The following MYH7B variants were observed in gnomAD, a reference collection of about 807,000 sequenced individuals.
MYH7B encodes myosin heavy chain 7B, also known as myosin-7B.
Under a neutral mutation model 234.5 loss-of-function variants are expected in MYH7B, and 205 were observed. The observed-to-expected ratio is 0.87, with a 90% CI of 0.78 to 0.98. The LOEUF (loss-of-function observed/expected upper bound fraction) is 0.98, where lower values mean the gene tolerates loss of function less well. Among genes scored for constraint, MYH7B ranks in the 50% least tolerant of loss-of-function variants. The pLI is 0.00. For missense variants in MYH7B, 2,652 were observed against 2,633.4 expected (o/e 1.01, Z -0.15); for synonymous variants, 1,193 against 1,105.0 (o/e 1.08, Z -1.58).
In MYH7B at chr20:34,982,887, G is replaced by A. The variant is rs145624634; in HGVS notation, c.624+332G>A. On this transcript the variant is annotated intron_variant, in intron 10 of 44. Coordinates refer to ENST00000262873, the Ensembl canonical transcript of MYH7B. ...ACTAGATGGGCTGCTTTTACTAAGCGTTGTTGTCTTGGTTTCCCTGACAGT... is the reference window on the plus strand; with the variant it reads ...ACTAGATGGGCTGCTTTTACTAAGCATTGTTGTCTTGGTTTCCCTGACAGT... 1.2e-4 allele frequency among the ~76,000 whole-genome samples: 19 copies of A among 152,262 alleles called. No individual in the cohort carries two copies. In the East Asian group the frequency reaches 3.5e-3, roughly 28 times the overall value.
At chr20:34,999,764 C>CCTGCCTG in intron 37 of MYH7B, 27 bp from the exon 38 acceptor site, 1 of 1,182,476 alleles carries the variant, frequency 8.5e-7, no homozygotes, top group South Asian at 1.2e-5. Flanking sequence ...CCCCCCCCAC[C>CCTGCCTG]CTACCCTGCC....
At chr20:34,980,548 A>G in intron 7 of MYH7B, 30 bp from the exon 8 acceptor site, 3 of 1,586,264 alleles carry the variant, frequency 1.9e-6, no homozygotes, top group Non-Finnish European at 2.6e-6. Flanking sequence ...AAAAACAACA[A>G]CATAAACCCT....
At chr20:34,986,415 C>G (rs2082024085) in intron 14 of MYH7B, among the ~76,000 whole-genome samples, 1 of 152,230 alleles carries the variant, frequency 6.6e-6, no homozygotes, top group Non-Finnish European at 1.5e-5. Context: ...CCTCCAGGAG[C>G]CTAAGCCCTA....
At chr20:34,994,203 G>C in exon 27 of MYH7B, 1 of 1,613,434 alleles carries the variant, frequency 6.2e-7, no homozygotes, top group Non-Finnish European at 8.5e-7. Flanking sequence ...TCAAGAACTG[G>C]TCATGGATGA....
exon 28 of MYH7B, chr20:34,995,547 C>T: frequency 6.2e-7 from 1 of 1,614,088 alleles, no homozygotes; most frequent in African/African-American, 1.3e-5. Context: ...CTGGCCAAAG[C>T]TGAGAAGGAG....
At chr20:35,001,837 G>A in intron 43 of MYH7B, 111 bp from the exon 44 acceptor site, 1 of 1,486,060 alleles carries the variant, frequency 6.7e-7, no homozygotes, top group Non-Finnish European at 9.0e-7. Context: ...AGTGGCAATA[G>A]GAACAAAGTT....
At chr20:34,968,585 A>G (rs2081764268) in intron 2 of MYH7B, among the ~76,000 whole-genome samples, 1 of 152,114 alleles carries the variant, frequency 6.6e-6, no homozygotes, top group Non-Finnish European at 1.5e-5. Context: ...ACACTCGGCT[A>G]AGCCTTGTCC....
chr20:34,979,461 G>A (rs752767629), exon 6 of MYH7B: 12 of 1,613,620 alleles, frequency 7.4e-6, no homozygotes, highest in African/African-American at 6.7e-5. Flanking sequence ...GGAGGCTACC[G>A]GGGGCAGAGT....
intron 2 of MYH7B, among the ~76,000 whole-genome samples, chr20:34,970,361 G>C (rs535550595): frequency 6.6e-6 from 1 of 152,158 alleles, no homozygotes; most frequent in Non-Finnish European, 1.5e-5. Context: ...CCCTTGTATA[G>C]GTCTGCTGTT....
intron 35 of MYH7B, 69 bp from the exon 36 acceptor site, chr20:34,998,987 G>A: frequency 1.3e-6 from 2 of 1,582,388 alleles, no homozygotes; most frequent in Non-Finnish European, 1.7e-6. Flanking sequence ...CTGAGGGTGG[G>A]TGAAGGGAGC....
chr20:34,994,502 G>A, intron 27 of MYH7B, 101 bp downstream of exon 27: 1 of 1,365,586 alleles, frequency 7.3e-7, no homozygotes, highest in African/African-American at 1.5e-5. Flanking sequence ...CAGGCCTTAT[G>A]TCTCTCTGTT....
At chr20:34,973,893 G>A (rs2081817575) in intron 2 of MYH7B, among the ~76,000 whole-genome samples, 1 of 151,376 alleles carries the variant, frequency 6.6e-6, no homozygotes, top group Admixed American at 6.6e-5. Context: ...CAAGTAGGTG[G>A]GATTACAGGC....
At chr20:34,990,183 G>A in intron 21 of MYH7B, 37 bp downstream of exon 21, 1 of 1,614,080 alleles carries the variant, frequency 6.2e-7, no homozygotes, top group Non-Finnish European at 8.5e-7. Flanking sequence ...CTCTGACAGG[G>A]GCCCACAGAG....
At chr20:34,985,248 C>A (rs778182233) in intron 13 of MYH7B, 119 bp downstream of exon 13, 26 of 933,846 alleles carry the variant, frequency 2.8e-5, no homozygotes, top group Non-Finnish European at 3.6e-5. Context: ...CTCTCTACCC[C>A]CTGGCTGCTG....
chr20:34,987,354 C>A (rs1246759032), intron 16 of MYH7B, 67 bp downstream of exon 16: 1 of 1,583,916 alleles, frequency 6.3e-7, no homozygotes, highest in Non-Finnish European at 8.6e-7. Flanking sequence ...ATGGTTAACC[C>A]CAACTCTTGT....
At chr20:34,983,298 CTTTTTTTTTTT>C (rs57589264) in intron 10 of MYH7B, among the ~76,000 whole-genome samples, 5 of 71,670 alleles carry the variant, frequency 7.0e-5, no homozygotes, top group Non-Finnish European at 1.0e-4. Flanking sequence ...CTTTTCTTTT[CTTTTTTTTTTT>C]TTTTTTTTGC....
Position 34,999,789 on chromosome 20 carries a change from AG to A in MYH7B, c.4669del, listed in dbSNP as rs775462545. 9.9e-5 allele frequency: 116 copies of A among 1,169,284 alleles called. No individual in the cohort carries two copies. Among genetic ancestry groups the A allele is most frequent in the Non-Finnish European group, 1.3e-4 (108 of 855,016 alleles). The allele number at this position is 1,169,284 out of a possible 1,614,324, so 72.4% of individuals were successfully genotyped here. ...CCTACCCTGCCTGCTCTGTATCCAC[AG>A]GGGGCCCTGGAGCTGGAGGAGACCA... is the stretch of plus-strand genomic sequence containing the variant. On this transcript the variant is annotated splice_acceptor_variant, in intron 37 of 44. Coordinates refer to ENST00000262873, the Ensembl canonical transcript of MYH7B. LOFTEE classifies it high-confidence loss of function.
exon 35 of MYH7B, chr20:34,998,864 G>A: frequency 1.9e-6 from 3 of 1,613,262 alleles, no homozygotes; most frequent in South Asian, 1.1e-5. Context: ...CAGTGGAGGA[G>A]CAAGTACGAA....
chr20:34,994,178 G>A (rs774796011), exon 27 of MYH7B: 9 of 1,613,402 alleles, frequency 5.6e-6, no homozygotes, highest in East Asian at 2.2e-5. Context: ...TGGAACATCC[G>A]TGCCTTCAAT....
Sources: gnomAD v4.1 joint callset for allele counts (sites outside exome capture counted in the v4.1 genomes callset) on GRCh38, gnomAD v4.1.1 for gene constraint, MANE v1.5 for transcripts, NCBI Gene and HGNC (gene_info 2026-07-23, HGNC 2026-07-21) for gene names.